The following WWP2 variants were observed in gnomAD, a reference collection of about 807,000 sequenced individuals.
WWP2 encodes NEDD4-like E3 ubiquitin-protein ligase WWP2.
In WWP2, 57 loss-of-function variants were observed where a neutral mutation model predicts 121.0. That is an observed-to-expected ratio of 0.47 (90% confidence interval 0.38 to 0.59). The LOEUF is 0.59. WWP2 is among the 20% of genes least tolerant of loss of function. The pLI, the probability that WWP2 is intolerant of heterozygous loss-of-function variation, is 0.00. For synonymous variants in WWP2, 449 were observed against 441.3 expected (o/e 1.02, Z -0.22); for missense variants, 962 against 1,158.9 (o/e 0.83, Z 2.47).
intron 6 of WWP2, among the ~76,000 whole-genome samples, chr16:69,869,241 A>G (rs1362039886): frequency 6.6e-6 from 1 of 152,114 alleles, no homozygotes; most frequent in Admixed American, 6.6e-5. Flanking sequence ...GTGGAAAAAG[A>G]GAGTCCACAT....
At chr16:69,849,881 AC>A (rs750103007) in intron 6 of WWP2, among the ~76,000 whole-genome samples, 3 of 152,084 alleles carry the variant, frequency 2.0e-5, no homozygotes, top group East Asian at 1.9e-4. Context: ...TTAAAATGAT[AC>A]ATGGTACCTT....
intron 2 of WWP2, among the ~76,000 whole-genome samples, chr16:69,793,911 CTTTTTTTTTTTT>C (rs71151135): frequency 1.1e-4 from 7 of 62,314 alleles, no homozygotes; most frequent in South Asian, 7.8e-4. Context: ...ATTATCCTTG[CTTTTTTTTTTTT>C]TTTTTTTTTT....
chr16:69,894,367 C>T lies in WWP2; in HGVS notation c.914+6118C>T, dbSNP rs188236890. ...AAGTGCTGGGATTCCAGGCATGAGC[C>T]ACCGCACCTGGCTGCATTGTCTTTT... On this transcript the variant is annotated intron_variant, in intron 8 of 23. Transcript: ENST00000359154. Among the ~76,000 whole-genome samples the T allele has an allele frequency of 3.4e-4, 51 of 152,198 alleles. 1 individual carries two copies. The highest frequency in any genetic ancestry group is 5.9e-4 in the Admixed American group (9 of 15,284).
rs75656721 is a variant in WWP2, at chr16:69,799,321, C to T, written c.340+26C>T. On this transcript the variant is annotated intron_variant, in intron 4 of 23. Coordinates refer to ENST00000359154, the MANE Select transcript of WWP2 (RefSeq NM_001270454.2). The surrounding 1 kb of genome is among the most constrained non-coding windows in gnomAD (Gnocchi z 4.5). ...GTACGTATGATGAAGGGGGTGCCGA[C>T]GTGATTCTTGGGTGGGGATGGGAGG... 1,319 of 1,606,580 alleles carry T rather than the reference C, an allele frequency of 8.2e-4. 19 individuals are homozygous for T. In the East Asian group the frequency reaches 0.018, roughly 22 times the overall value.
chr16:69,787,181 T>A, intron 2 of WWP2, 101 bp downstream of exon 2: 1 of 809,178 alleles, frequency 1.2e-6, no homozygotes, highest in Non-Finnish European at 1.9e-6. Flanking sequence ...TGAAATAGTT[T>A]ACATGTGTTA....
intron 23 of WWP2, 114 bp from the exon 24 acceptor site, chr16:69,939,727 T>G: frequency 1.0e-6 from 1 of 970,508 alleles, no homozygotes; most frequent in Non-Finnish European, 1.5e-6. Context: ...TGGCAGCCCC[T>G]GAGCCCTAGC....
intron 4 of WWP2, among the ~76,000 whole-genome samples, chr16:69,800,936 A>G (rs1216415525): frequency 6.8e-6 from 1 of 147,872 alleles, no homozygotes; most frequent in Non-Finnish European, 1.5e-5. Flanking sequence ...CTGTAATCCC[A>G]GTACTTTGGG....
chr16:69,775,241 A>C (rs529173043), intron 1 of WWP2: 1 of 152,278 alleles, frequency 6.6e-6, no homozygotes, highest in East Asian at 1.9e-4. Context: ...GGGTATAAGG[A>C]GGGCATCTCT....
intron 1 of WWP2, among the ~76,000 whole-genome samples, chr16:69,785,297 A>G (rs774006580): frequency 1.3e-5 from 2 of 152,024 alleles, no homozygotes; most frequent in Non-Finnish European, 2.9e-5. Flanking sequence ...GGGAGCGGAT[A>G]TGAGTTTTTA....
chr16:69,778,027 G>A (rs1597649367), intron 1 of WWP2, among the ~76,000 whole-genome samples: 1 of 150,114 alleles, frequency 6.7e-6, no homozygotes, highest in East Asian at 2.0e-4. Flanking sequence ...CCATGATTGT[G>A]CCACTGCACT....
At position 69,887,421 on chromosome 16, in the gene WWP2, A is replaced by G. The variant is rs553226803; in HGVS notation, c.704-618A>G. 3.3e-5 allele frequency among the ~76,000 whole-genome samples: 5 copies of G among 151,930 alleles called. No individual in the cohort carries two copies. In the East Asian group the frequency reaches 9.7e-4, roughly 29 times the overall value. ...CCAACACTTTTTTTTTTTGAGACAC[A>G]ATTTTGCTGTCAGGCAAATTTTTTG... is the stretch of plus-strand genomic sequence containing the variant. On this transcript the variant is annotated intron_variant, in intron 7 of 23. Coordinates refer to ENST00000359154, the MANE Select transcript of WWP2 (RefSeq NM_001270454.2).
At chr16:69,905,381 A>G (rs2058274321) in intron 8 of WWP2, among the ~76,000 whole-genome samples, 1 of 152,156 alleles carries the variant, frequency 6.6e-6, no homozygotes, top group Non-Finnish European at 1.5e-5. Context: ...AGGAGATCAG[A>G]TCTGAGCAGA....
In WWP2 at chr16:69,879,520, G is replaced by T. The variant is rs371111889; in HGVS notation, c.703+7589G>T. On this transcript the variant is annotated intron_variant, in intron 7 of 23. Coordinates refer to ENST00000359154, the MANE Select transcript of WWP2 (RefSeq NM_001270454.2). ...TTATTTCACTTAATGTGGCATTTTT[G>T]ATTCATCCATGTTGTAGCGTGTGTC... Among the ~76,000 whole-genome samples the T allele has an allele frequency of 2.6e-5, 4 of 152,092 alleles. No individual in the cohort carries two copies. In the East Asian group the frequency reaches 5.8e-4, roughly 22 times the overall value.
intron 4 of WWP2, among the ~76,000 whole-genome samples, chr16:69,828,286 A>G (rs1567689301): frequency 6.6e-6 from 1 of 152,088 alleles, no homozygotes; most frequent in Admixed American, 6.6e-5. Context: ...CTGCCTTCCC[A>G]GGAACCCTTC....
intron 7 of WWP2, among the ~76,000 whole-genome samples, chr16:69,884,265 A>G (rs546124818): frequency 8.5e-5 from 13 of 152,330 alleles, no homozygotes; most frequent in African/African-American, 3.1e-4. Flanking sequence ...GCTAACTTGA[A>G]GAGCTTCGTT....
At chr16:69,878,433 A>G (rs1338941559) in intron 7 of WWP2, among the ~76,000 whole-genome samples, 4 of 152,348 alleles carry the variant, frequency 2.6e-5, no homozygotes, top group African/African-American at 9.6e-5. Context: ...AGTGTTTGGC[A>G]GGGTGCCTGG....
At chr16:69,769,811 T>A (rs1321109813) in intron 1 of WWP2, among the ~76,000 whole-genome samples, 2 of 151,946 alleles carry the variant, frequency 1.3e-5, no homozygotes, top group African/African-American at 2.4e-5. Flanking sequence ...ATATATTTAG[T>A]CTTCCTCCCA....
Position 69,939,023 on chromosome 16 carries a change from C to G in WWP2, c.2344-4C>G, listed in dbSNP as rs1043500340. 6 of 1,598,034 alleles carry G rather than the reference C, an allele frequency of 3.8e-6. No homozygotes were observed. Among genetic ancestry groups the G allele is most frequent in the South Asian group, 1.1e-5 (1 of 88,754 alleles). On this transcript the variant is annotated splice_region_variant and splice_polypyrimidine_tract_variant and intron_variant, in intron 21 of 23. Transcript: ENST00000359154. ...TGACTGTGCCTTGACTTGCGGACTT[C>G]CAGGTGGTGAAGGAGATGGACAACG...
At chr16:69,836,355 T>C (rs915217422) in intron 4 of WWP2, among the ~76,000 whole-genome samples, 1 of 152,130 alleles carries the variant, frequency 6.6e-6, no homozygotes. Context: ...AGGACAGTTA[T>C]TGTATGGATG....
Sources: gnomAD v4.1 joint callset for allele counts (sites outside exome capture counted in the v4.1 genomes callset) on GRCh38, gnomAD v4.1.1 for gene constraint, Gnocchi (gnomAD v3.1) non-coding constraint, MANE v1.5 for transcripts, NCBI Gene and HGNC (gene_info 2026-07-23, HGNC 2026-07-21) for gene names.